ASIC2: variants seen among roughly 807,000 people sequenced by gnomAD.
ASIC2 encodes acid-sensing ion channel 2.
A neutral mutation model predicts 57.3 loss-of-function variants in ASIC2; 25 were observed. The ratio of observed to expected loss-of-function variants is 0.44; its 90% confidence interval spans 0.32 to 0.61. ASIC2 has a LOEUF of 0.61. ASIC2 is among the 20% of genes least tolerant of loss of function. The probability of loss-of-function intolerance (pLI) is 0.06; values close to 1 mark genes in which losing one functional copy is unlikely to be tolerated. For synonymous variants in ASIC2, 319 were observed against 307.5 expected, an observed-to-expected ratio of 1.04 and a Z score of -0.39; for missense variants, 641 against 738.1, an observed-to-expected ratio of 0.87 and a Z score of 1.52.
intron 1 of ASIC2, among the ~76,000 whole-genome samples, chr17:33,257,338 G>C (rs1388995346): frequency 6.6e-6 from 1 of 152,194 alleles, no homozygotes; most frequent in African/African-American, 2.4e-5. Flanking sequence ...TGATGGAAGG[G>C]AGATTTGAAC....
At chr17:33,187,881 A>G (rs1460647961) in intron 1 of ASIC2, among the ~76,000 whole-genome samples, 12 of 150,920 alleles carry the variant, frequency 8.0e-5, no homozygotes, top group Non-Finnish European at 1.5e-4. Flanking sequence ...AACGCCTGAC[A>G]GCCAATCAAA....
At chr17:33,932,182 C>A (rs576155690) in intron 1 of ASIC2, among the ~76,000 whole-genome samples, 3 of 152,262 alleles carry the variant, frequency 2.0e-5, no homozygotes, top group Non-Finnish European at 2.9e-5. Context: ...AACCTGGTGT[C>A]TTCCCCACCC....
At chr17:33,595,657 A>G (rs764635121) in intron 1 of ASIC2, among the ~76,000 whole-genome samples, 2 of 152,220 alleles carry the variant, frequency 1.3e-5, no homozygotes, top group Non-Finnish European at 2.9e-5. Context: ...TGACCAAGAG[A>G]TATTGGGTAA....
At chr17:33,435,895 G>C (rs1211308387) in intron 1 of ASIC2, among the ~76,000 whole-genome samples, 1 of 152,214 alleles carries the variant, frequency 6.6e-6, no homozygotes, top group African/African-American at 2.4e-5. Flanking sequence ...CCATTTGCGG[G>C]AAATACAGAT....
At chr17:33,963,210 C>T (rs1904979421) in intron 1 of ASIC2, among the ~76,000 whole-genome samples, 1 of 152,152 alleles carries the variant, frequency 6.6e-6, no homozygotes, top group Admixed American at 6.6e-5. Flanking sequence ...CTTCTACCAA[C>T]CCTCTTCCCA....
upstream of ASIC2, among the ~76,000 whole-genome samples, chr17:33,298,123 A>G (rs917771467): frequency 1.1e-4 from 16 of 150,706 alleles, no homozygotes; most frequent in Non-Finnish European, 2.2e-4. Context: ...TTATTTATTT[A>G]TTTATATTAT....
intron 1 of ASIC2, among the ~76,000 whole-genome samples, chr17:33,811,186 C>T (rs906551237): frequency 6.6e-6 from 1 of 152,178 alleles, no homozygotes; most frequent in African/African-American, 2.4e-5. Flanking sequence ...AAGCACATTG[C>T]CCAGCTCTTC....
intron 1 of ASIC2, among the ~76,000 whole-genome samples, chr17:33,818,892 C>A (rs1912666447): frequency 6.6e-6 from 1 of 152,220 alleles, no homozygotes; most frequent in Non-Finnish European, 1.5e-5. Flanking sequence ...TAAAATTGGG[C>A]ATGCCTTCCA....
intron 1 of ASIC2, among the ~76,000 whole-genome samples, chr17:33,276,503 T>C (rs1009247126): frequency 2.6e-5 from 4 of 152,240 alleles, no homozygotes; most frequent in Admixed American, 6.5e-5. Context: ...CTGATTACTG[T>C]GATCAAGCCA....
At chr17:33,815,276 G>A (rs997057268) in intron 1 of ASIC2, among the ~76,000 whole-genome samples, 3 of 152,200 alleles carry the variant, frequency 2.0e-5, no homozygotes, top group African/African-American at 7.2e-5. Flanking sequence ...GCCAAGGAAA[G>A]GGCACTTGTG....
Position 33,677,738 on chromosome 17 carries a change from A to G in ASIC2, c.555+478240T>C, listed in dbSNP as rs533673296. Among the ~76,000 whole-genome samples the G allele has an allele frequency of 3.9e-5, 6 of 152,364 alleles. No individual in the cohort carries two copies. The East Asian group carries it at 1.2e-3, about 29-fold the overall frequency. On this transcript the variant is annotated intron_variant, in intron 1 of 9. Transcript: ENST00000359872. ...GACTGAATTGCTTCAATCTCATGAAAAAACTGGAACAGATGAAGTTCGAAG... is the reference window on the plus strand; with the variant it reads ...GACTGAATTGCTTCAATCTCATGAAGAAACTGGAACAGATGAAGTTCGAAG...
chr17:33,065,036 T>C (rs1291787322), intron 3 of ASIC2, among the ~76,000 whole-genome samples: 4 of 152,096 alleles, frequency 2.6e-5, no homozygotes, highest in Non-Finnish European at 4.4e-5. Flanking sequence ...GGGAAGGTCA[T>C]TAAATTCTCT....
rs1032298316 is a variant in ASIC2 at position 33,485,072 on chromosome 17, C to A, written c.556-373005G>T. Among the ~76,000 whole-genome samples, 5 of 152,244 alleles carry A rather than the reference C, an allele frequency of 3.3e-5. No homozygotes were observed. The East Asian group carries it at 7.7e-4, about 23-fold the overall frequency. ...ATTCTTTCCTGGGTGAAGCCAAGAA[C>A]CCTCATGGGCTAAGCCCCACTTTGG... On this transcript the variant is annotated intron_variant, in intron 1 of 9. Transcript: ENST00000359872.
At chr17:33,734,833 A>G (rs1909861555) in intron 1 of ASIC2, among the ~76,000 whole-genome samples, 1 of 152,156 alleles carries the variant, frequency 6.6e-6, no homozygotes, top group Non-Finnish European at 1.5e-5. Context: ...CTGCTTGCAC[A>G]TTCATTTTAG....
intron 1 of ASIC2, among the ~76,000 whole-genome samples, chr17:33,304,831 C>A (rs909165766): frequency 3.9e-5 from 6 of 152,016 alleles, no homozygotes; most frequent in African/African-American, 1.5e-4. Flanking sequence ...GTGCGTCTGC[C>A]GTCTGTTCTT....
chr17:33,335,518 G>T (rs1044756586), intron 1 of ASIC2, among the ~76,000 whole-genome samples: 1 of 152,126 alleles, frequency 6.6e-6, no homozygotes, highest in Admixed American at 6.5e-5. Flanking sequence ...AATACAATGG[G>T]CTTCAAAGTA....
chr17:34,126,019 C>A (rs1911770881), intron 1 of ASIC2, among the ~76,000 whole-genome samples: 1 of 152,214 alleles, frequency 6.6e-6, no homozygotes, highest in African/African-American at 2.4e-5. Flanking sequence ...ACTAAGCTTT[C>A]TGCTCAATGA....
chr17:33,015,572 C>G (rs2091801378), intron 9 of ASIC2, among the ~76,000 whole-genome samples: 1 of 152,226 alleles, frequency 6.6e-6, no homozygotes, highest in South Asian at 2.1e-4. Context: ...TACTCTATCC[C>G]TTTCGAATGG....
At chr17:34,037,974 G>A (rs539145624) in intron 1 of ASIC2, 67 of 1,613,602 alleles carry the variant, frequency 4.2e-5, no homozygotes, top group Non-Finnish European at 5.4e-5. Context: ...GAGATCTTTG[G>A]TGGTTCTTTC....
Sources: allele counts gnomAD v4.1 joint callset (sites outside exome capture counted in the v4.1 genomes callset), GRCh38; gene constraint gnomAD v4.1.1; transcripts MANE v1.5; gene names NCBI Gene and HGNC (gene_info 2026-07-23, HGNC 2026-07-21).